The following TCF20 variants were observed in gnomAD, a reference collection of about 807,000 sequenced individuals.
The protein encoded by TCF20 is transcription factor 20.
TCF20 carries 3 observed loss-of-function variants against 148.6 expected under a neutral mutation model. That is an observed-to-expected ratio of 0.02 (90% CI 0.01 to 0.05). TCF20 has a LOEUF of 0.05. TCF20 is among the 10% of genes least tolerant of loss of function. The pLI is 1.00. For synonymous variants in TCF20, 1,049 were observed against 909.5 expected (o/e 1.15, Z -2.76); for missense variants, 2,350 against 2,429.3 (o/e 0.97, Z 0.69).
rs771739044 is a variant in TCF20 at position 42,179,700 on chromosome 22, T to C, written c.5658A>G (p.Lys1886=). Residue 1886 remains lysine (K), a splice_region_variant and synonymous_variant, in exon 3 of 6, where the codon AAA becomes AAG. Transcript: ENST00000677622. ...QEALEIAREM[K]CSHCQEAGAT... ...CGCCTGCCTCCTGGCAGTGGGAACA[T>C]TTCTGAAAGGAAGGGAAAAGTCAGG... 2 of 1,612,830 alleles carry C rather than the reference T, an allele frequency of 1.2e-6. No homozygotes were observed. Among genetic ancestry groups the C allele is most frequent in the East Asian group, 2.2e-5 (1 of 44,866 alleles).
At chr22:42,319,406 G>C (rs1231332401) in intron 1 of TCF20, among the ~76,000 whole-genome samples, 2 of 152,168 alleles carry the variant, frequency 1.3e-5, no homozygotes, top group Non-Finnish European at 2.9e-5. Flanking sequence ...GAAAGCCATG[G>C]GGGCTCTCAT....
At chr22:42,164,716 A>C (rs892520361) in intron 5 of TCF20, among the ~76,000 whole-genome samples, 3 of 152,176 alleles carry the variant, frequency 2.0e-5, no homozygotes, top group Non-Finnish European at 2.9e-5. Context: ...GCTGCAAGCG[A>C]GGAGGGGGGC....
intron 1 of TCF20, among the ~76,000 whole-genome samples, chr22:42,244,025 G>A (rs1400424618): frequency 6.6e-6 from 1 of 152,134 alleles, no homozygotes; most frequent in Admixed American, 6.5e-5. Flanking sequence ...GGCCAACCAT[G>A]GTGAGACCCT....
At chr22:42,307,216 CA>C (rs1927452184) in intron 1 of TCF20, among the ~76,000 whole-genome samples, 2 of 152,160 alleles carry the variant, frequency 1.3e-5, no homozygotes, top group African/African-American at 2.4e-5. Context: ...AGCATTTGAC[CA>C]GCAGTGCACA....
intron 1 of TCF20, among the ~76,000 whole-genome samples, chr22:42,320,001 C>T (rs957211859): frequency 6.6e-6 from 1 of 152,172 alleles, no homozygotes; most frequent in Non-Finnish European, 1.5e-5. Flanking sequence ...CCCCAAGGCT[C>T]TGCTCTGCTG....
At chr22:42,182,171 A>G (rs1936811242) in intron 2 of TCF20, among the ~76,000 whole-genome samples, 1 of 152,208 alleles carries the variant, frequency 6.6e-6, no homozygotes, top group African/African-American at 2.4e-5. Flanking sequence ...AGAAGGGTTA[A>G]GTATGCATGC....
At chr22:42,189,562 G>C (rs1055491927) in intron 2 of TCF20, among the ~76,000 whole-genome samples, 3 of 152,200 alleles carry the variant, frequency 2.0e-5, no homozygotes, top group African/African-American at 7.2e-5. Flanking sequence ...AGGGTTTTGA[G>C]TAAACTGATT....
intron 2 of TCF20, among the ~76,000 whole-genome samples, chr22:42,205,788 T>TA (rs1354020888): frequency 6.6e-6 from 1 of 152,204 alleles, no homozygotes; most frequent in Non-Finnish European, 1.5e-5. Context: ...TTATTTTTTT[T>TA]AGAGATTGAA....
Position 42,212,874 on chromosome 22 carries a change from A to G in TCF20, c.2432T>C (p.Leu811Pro), listed in dbSNP as rs371812613. 2.4e-5 allele frequency: 39 copies of G among 1,614,064 alleles called. No homozygotes were observed. The highest frequency in any genetic ancestry group is 6.7e-5 in the African/African-American group (5 of 74,924). ...RGLLNKSIGS[L>P]LENPHWGPWE... ...GGGGCCCCAGTGGGGATTTTCTAAT[A>G]GAGACCCAATGCTTTTGTTCAGAAG... Residue 811 changes from leucine to proline, a missense_variant, in exon 2 of 6, where the codon CTA (leucine) becomes CCA (proline). By Grantham distance (98) the Leu-to-Pro change is moderately conservative. Around this residue, in one of 7 missense-constraint regions of TCF20, gnomAD observed 1,641 missense variants for 1,662.6 expected, o/e 0.99. Coordinates refer to ENST00000677622, the MANE Select transcript of TCF20 (RefSeq NM_001378418.1).
At position 42,311,403 on chromosome 22, in the gene TCF20, G is replaced by A. The variant is rs144107192; in HGVS notation, c.-37+32076C>T. 6.5e-4 allele frequency among the ~76,000 whole-genome samples: 99 copies of A among 152,354 alleles called. 1 individual carries two copies. In the East Asian group the frequency reaches 0.014, roughly 22 times the overall value. On this transcript the variant is annotated intron_variant, in intron 1 of 1. Transcript: ENST00000515426. ...GCCTCAGTTTCCTCATAAGAGAAAC[G>A]AGGACATTTTTGCCTCAGGGTGGTG...
Position 42,160,989 on chromosome 22 carries a change from A to G in TCF20, c.*414T>C, listed in dbSNP as rs949602165. 2.0e-5 allele frequency: 4 copies of G among 197,388 alleles called. No homozygotes were observed. The highest frequency in any genetic ancestry group is 5.8e-5 in the Admixed American group (1 of 17,374). 12.2% of individuals were successfully genotyped at this position (197,388 alleles called of 1,614,324 possible). ...GGAGATCTTTAACGAGATAATTTTA[A>G]AACAGAATCAAAAGGGATAGCGCAC... is the stretch of plus-strand genomic sequence containing the variant. On this transcript the variant is annotated 3_prime_UTR_variant, in exon 6 of 6. Transcript: ENST00000677622.
chr22:42,208,774 TAA>T (rs1938564699), intron 2 of TCF20, among the ~76,000 whole-genome samples: 1 of 151,998 alleles, frequency 6.6e-6, no homozygotes, highest in Admixed American at 6.6e-5. Flanking sequence ...ACAGGAATTA[TAA>T]AGAGAGCAGA....
intron 1 of TCF20, among the ~76,000 whole-genome samples, chr22:42,262,944 G>A (rs1926104052): frequency 6.6e-6 from 1 of 152,092 alleles, no homozygotes; most frequent in Admixed American, 6.5e-5. Flanking sequence ...CTTAGACACT[G>A]GACTAAGACC....
chr22:42,295,075 C>T (rs1447155965), intron 1 of TCF20, among the ~76,000 whole-genome samples: 9 of 152,198 alleles, frequency 5.9e-5, no homozygotes, highest in Admixed American at 4.6e-4. Flanking sequence ...CAGTGATGAA[C>T]CCCCACTGCC....
rs1921196195 is a variant in TCF20 at position 42,213,091 on chromosome 22, G to A, written c.2215C>T (p.His739Tyr). ...TGQEKGDFTGHGERKGRNEKF... is the reference protein window; with the variant it reads ...TGQEKGDFTGYGERKGRNEKF... The stretch of plus-strand genomic sequence containing the variant: ...TCATTTCTACCCTTTCGTTCCCCAT[G>A]GCCAGTGAAATCTCCCTTTTCTTGC... Residue 739 changes from histidine (H) to tyrosine (Y), a missense_variant, in exon 2 of 6, where the codon CAT becomes TAT. Physicochemically the swap from His to Tyr is moderately conservative, Grantham distance 83 (BLOSUM62 2). This residue lies in a region of TCF20 where 1,641 missense variants were observed against 1,662.6 expected (regional missense o/e 0.99). Coordinates refer to ENST00000677622, the MANE Select transcript of TCF20 (RefSeq NM_001378418.1). The A allele has an allele frequency of 6.2e-7, 1 of 1,614,136 alleles. No individual in the cohort carries two copies. The highest frequency in any genetic ancestry group is 8.5e-7 in the Non-Finnish European group (1 of 1,180,026).
At chr22:42,191,872 G>C (rs909188674) in intron 2 of TCF20, among the ~76,000 whole-genome samples, 1 of 152,220 alleles carries the variant, frequency 6.6e-6, no homozygotes, top group Admixed American at 6.5e-5. Flanking sequence ...AGGAGTAGGA[G>C]ACCTGCGGCA....
intron 1 of TCF20, among the ~76,000 whole-genome samples, chr22:42,322,858 AT>A (rs201059614): frequency 0.026 from 3,967 of 150,674 alleles, 180 homozygotes; most frequent in African/African-American, 0.086. Flanking sequence ...CCAGGCTCAG[AT>A]CTGGATCACT....
intron 1 of TCF20, among the ~76,000 whole-genome samples, chr22:42,303,764 A>T (rs546525410): frequency 6.6e-6 from 1 of 151,882 alleles, no homozygotes; most frequent in South Asian, 2.1e-4. Context: ...GCTCAGGCCA[A>T]AGGGAGGAGG....
chr22:42,227,525 C>G (rs1167871930), intron 1 of TCF20, among the ~76,000 whole-genome samples: 1 of 152,166 alleles, frequency 6.6e-6, no homozygotes, highest in African/African-American at 2.4e-5. Flanking sequence ...GCCTCCACAT[C>G]AGGAAATCAA....
Sources: gnomAD v4.1 joint callset for allele counts (sites outside exome capture counted in the v4.1 genomes callset) on GRCh38, gnomAD v4.1.1 for gene constraint, gnomAD v4.1.1 regional missense constraint, MANE v1.5 for transcripts, NCBI Gene and HGNC (gene_info 2026-07-23, HGNC 2026-07-21) for gene names.